ARSB: variants seen among roughly 807,000 people sequenced by gnomAD.
The protein encoded by ARSB is N-acetylgalactosamine-4-sulfatase.
In ARSB, 41 loss-of-function variants were observed where a neutral mutation model predicts 50.9. That is an observed-to-expected ratio of 0.81 (90% CI 0.63 to 1.04). ARSB has a LOEUF of 1.04. Among genes scored for constraint, ARSB ranks in the 50% least tolerant of loss-of-function variants. The pLI is 0.00. For missense variants in ARSB, 672 were observed against 693.3 expected (o/e 0.97, Z 0.35); for synonymous variants, 269 against 284.8 (o/e 0.94, Z 0.56).
intron 4 of ARSB, among the ~76,000 whole-genome samples, chr5:78,944,717 C>G (rs967119008): frequency 6.6e-6 from 1 of 152,160 alleles, no homozygotes; most frequent in South Asian, 2.1e-4. Flanking sequence ...TTAGGCTACT[C>G]GGGGGTCAGG....
intron 4 of ARSB, among the ~76,000 whole-genome samples, chr5:78,940,831 G>A (rs1338923500): frequency 2.0e-5 from 3 of 152,276 alleles, no homozygotes; most frequent in South Asian, 2.1e-4. Context: ...AAAGTCATTG[G>A]TAGCTTGATG....
upstream of ARSB, chr5:78,985,823 TTTCACA>T: frequency 6.6e-6 from 1 of 152,208 alleles, no homozygotes; most frequent in Non-Finnish European, 1.5e-5. Flanking sequence ...CTAAATAGCC[TTTCACA>T]TTCATTTATG....
At position 78,959,463 on chromosome 5, in the gene ARSB, A is replaced by T. The variant is rs544398954; in HGVS notation, c.691-3961T>A. ...AAATCCCAAACTTCTACACTTTGAA[A>T]CACGGACTTCCATTCTTTGGAATCT... On this transcript the variant is annotated intron_variant, in intron 3 of 7. Coordinates refer to ENST00000264914, the MANE Select transcript of ARSB (RefSeq NM_000046.5). Among the ~76,000 whole-genome samples the T allele has an allele frequency of 2.6e-5, 4 of 152,164 alleles. No individual in the cohort carries two copies. In the South Asian group the frequency reaches 8.3e-4, roughly 32 times the overall value.
At chr5:78,898,395 G>T (rs1748666151) in intron 4 of ARSB, among the ~76,000 whole-genome samples, 1 of 152,086 alleles carries the variant, frequency 6.6e-6, no homozygotes, top group Non-Finnish European at 1.5e-5. Flanking sequence ...AAAATAGATA[G>T]GAATCCTGTA....
At chr5:78,860,770 A>G (rs944281084) in intron 5 of ARSB, among the ~76,000 whole-genome samples, 3 of 152,246 alleles carry the variant, frequency 2.0e-5, no homozygotes, top group Non-Finnish European at 4.4e-5. Context: ...GCAGAGCAGA[A>G]CTGAAGGAGA....
intron 3 of ARSB, among the ~76,000 whole-genome samples, chr5:78,957,126 G>A (rs1293832866): frequency 6.9e-6 from 1 of 144,850 alleles, no homozygotes; most frequent in African/African-American, 2.4e-5. Context: ...CTTTCTGAAG[G>A]CATTCTCTTC....
chr5:78,946,554 T>C (rs1751242705), intron 4 of ARSB, among the ~76,000 whole-genome samples: 1 of 152,134 alleles, frequency 6.6e-6, no homozygotes, highest in Non-Finnish European at 1.5e-5. Flanking sequence ...AAGTAGTAAG[T>C]AGATCACTAC....
At chr5:78,933,485 CACA>C (rs925868495) in intron 4 of ARSB, among the ~76,000 whole-genome samples, 2 of 152,242 alleles carry the variant, frequency 1.3e-5, no homozygotes, top group Non-Finnish European at 1.5e-5. Context: ...TTCCCAGGCC[CACA>C]ACAATTACTT....
intron 5 of ARSB, among the ~76,000 whole-genome samples, chr5:78,865,118 G>A (rs553567991): frequency 8.9e-5 from 5 of 56,400 alleles, no homozygotes; most frequent in South Asian, 4.8e-4. Context: ...CTAGGACTCC[G>A]TATAGGGGTT....
At chr5:78,972,799 G>T (rs914199548) in intron 1 of ARSB, among the ~76,000 whole-genome samples, 8 of 152,210 alleles carry the variant, frequency 5.3e-5, no homozygotes, top group Non-Finnish European at 1.2e-4. Flanking sequence ...AAGAGATGTT[G>T]TGTGATTTGG....
In ARSB at chr5:78,985,084, T is replaced by C. The variant is rs2112582550; in HGVS notation, c.165A>G (p.Leu55=). ...PHLVFLLADD[L]GWNDVGFHGS... is the part of the protein sequence containing the mutation. The stretch of plus-strand genomic sequence containing the variant: ...CGTGGAAGCCGACGTCGTTCCAGCC[T>C]AGGTCGTCTGCCAGCAAGAAGACCA... Residue 55 remains leucine (L), a synonymous_variant, in exon 1 of 8, where the codon CTA becomes CTG. Coordinates refer to ENST00000264914, the MANE Select transcript of ARSB (RefSeq NM_000046.5). 6.5e-7 allele frequency: 1 copy of C among 1,533,822 alleles called. No individual in the cohort carries two copies. Among genetic ancestry groups the C allele is most frequent in the Non-Finnish European group, 8.8e-7 (1 of 1,140,320 alleles).
chr5:78,829,266 A>C (rs1744571133), intron 6 of ARSB, among the ~76,000 whole-genome samples: 1 of 152,236 alleles, frequency 6.6e-6, no homozygotes, highest in East Asian at 1.9e-4. Flanking sequence ...GTTTATGGTA[A>C]TTTGTTTGAT....
intron 5 of ARSB, among the ~76,000 whole-genome samples, chr5:78,869,363 T>G (rs941545575): frequency 7.1e-6 from 1 of 140,688 alleles, no homozygotes; most frequent in African/African-American, 2.7e-5. Flanking sequence ...AATATACATT[T>G]TTTTCAGCAC....
chr5:78,790,177 T>C (rs1201582604), intron 6 of ARSB, among the ~76,000 whole-genome samples: 1 of 152,166 alleles, frequency 6.6e-6, no homozygotes, highest in Non-Finnish European at 1.5e-5. Context: ...GGCTGTATCA[T>C]TGAAGTGGCA....
chr5:78,936,116 CCTCT>C (rs1180527893), intron 4 of ARSB, among the ~76,000 whole-genome samples: 10 of 103,680 alleles, frequency 9.6e-5, no homozygotes, highest in South Asian at 7.8e-4. Flanking sequence ...TCCATCCCTT[CCTCT>C]CTCTCTCTCT....
At chr5:78,910,354 GC>G (rs1749254538) in intron 4 of ARSB, among the ~76,000 whole-genome samples, 1 of 152,132 alleles carries the variant, frequency 6.6e-6, no homozygotes, top group Admixed American at 6.5e-5. Flanking sequence ...GGAGGGGCTG[GC>G]CCCCTTCATA....
chr5:78,920,768 G>A (rs1021906671), intron 4 of ARSB, among the ~76,000 whole-genome samples: 1 of 152,118 alleles, frequency 6.6e-6, no homozygotes, highest in South Asian at 2.1e-4. Flanking sequence ...AGTCCTTACA[G>A]CCAGAACCTC....
chr5:78,867,510 CCT>C (rs929788625), intron 5 of ARSB, among the ~76,000 whole-genome samples: 18 of 152,312 alleles, frequency 1.2e-4, no homozygotes, highest in African/African-American at 4.1e-4. Flanking sequence ...GTCCCTGACC[CCT>C]GACCCCCGAG....
intron 4 of ARSB, among the ~76,000 whole-genome samples, chr5:78,887,667 C>T (rs913217069): frequency 6.6e-6 from 1 of 152,270 alleles, no homozygotes; most frequent in African/African-American, 2.4e-5. Context: ...AGTATTATAA[C>T]CATTTTGTCA....
Sources: gnomAD v4.1 joint callset for allele counts (sites outside exome capture counted in the v4.1 genomes callset) on GRCh38, gnomAD v4.1.1 for gene constraint, MANE v1.5 for transcripts, NCBI Gene and HGNC (gene_info 2026-07-23, HGNC 2026-07-21) for gene names.